Variants in PPP1R13B observed in about 807,000 individuals in gnomAD.
PPP1R13B encodes protein phosphatase 1 regulatory subunit 13B, also known as apoptosis-stimulating of p53 protein 1.
A neutral mutation model predicts 119.8 loss-of-function variants in PPP1R13B; 44 were observed. That is an observed-to-expected ratio of 0.37 (90% CI 0.29 to 0.47). PPP1R13B has a LOEUF of 0.47. PPP1R13B is among the 20% of genes least tolerant of loss of function. The pLI, the probability that PPP1R13B is intolerant of heterozygous loss-of-function variation, is 0.99. For missense variants in PPP1R13B, 1,227 were observed against 1,413.5 expected (o/e 0.87, Z 2.12); for synonymous variants, 542 against 561.5 (o/e 0.97, Z 0.49).
chr14:103,794,741 C>T (rs956056279), intron 2 of PPP1R13B: 3 of 338,536 alleles, frequency 8.9e-6, no homozygotes, highest in African/African-American at 6.6e-5. Flanking sequence ...TTGCCCTCTC[C>T]CTTTGATGGC....
chr14:103,766,438 C>A (rs916948219), intron 4 of PPP1R13B, among the ~76,000 whole-genome samples: 5 of 152,144 alleles, frequency 3.3e-5, no homozygotes, highest in Admixed American at 1.3e-4. Flanking sequence ...CATCTCCTGA[C>A]AGCAAGCAGG....
intron 8 of PPP1R13B, chr14:103,746,769 G>C: frequency 2.3e-6 from 1 of 442,254 alleles, no homozygotes; most frequent in East Asian, 3.8e-5. Flanking sequence ...CCACCCATCT[G>C]GAGCTGTACA....
intron 1 of PPP1R13B, among the ~76,000 whole-genome samples, chr14:103,824,658 G>A (rs1419471808): frequency 1.3e-5 from 2 of 150,742 alleles, no homozygotes; most frequent in Non-Finnish European, 2.9e-5. Flanking sequence ...TCACGCCACT[G>A]CACTCCAGCA....
chr14:103,792,602 A>C (rs2152035577), intron 2 of PPP1R13B, among the ~76,000 whole-genome samples: 1 of 152,282 alleles, frequency 6.6e-6, no homozygotes, highest in Non-Finnish European at 1.5e-5. Flanking sequence ...CTGTCTCTAC[A>C]AAAAATAAAT....
Position 103,742,914 on chromosome 14 carries a change from T to C in PPP1R13B, c.1151-91A>G. On this transcript the variant is annotated intron_variant, in intron 9 of 16. Transcript: ENST00000202556. The surrounding 1 kb of genome is among the most constrained non-coding windows in gnomAD (Gnocchi z 4.9). ...ACTCTGCCAGAAACAAAAACAGCAC[T>C]GGGACATCCCATTCTGATGCAGATC... is the stretch of plus-strand genomic sequence containing the variant. 7.1e-7 allele frequency: 1 copy of C among 1,411,756 alleles called. No homozygotes were observed. The highest frequency in any genetic ancestry group is 1.3e-5 in the South Asian group (1 of 78,502). The allele number at this position is 1,411,756 out of a possible 1,614,324, so 87.5% of individuals were successfully genotyped here.
In PPP1R13B at chr14:103,749,816, C is replaced by T. The variant is rs567405593; in HGVS notation, c.947G>A (p.Arg316His). 18 of 1,613,784 alleles carry T rather than the reference C, an allele frequency of 1.1e-5. No homozygotes were observed. Among genetic ancestry groups the T allele is most frequent in the South Asian group, 4.4e-5 (4 of 90,930 alleles). The change falls in exon 8 of 17, where the codon CGT (arginine) becomes CAT (histidine). Residue 316 changes from arginine to histidine, a missense_variant. By Grantham distance (29) the Arg-to-His change is conservative (BLOSUM62 0). Transcript: ENST00000202556. ...TGCCTGAATTTTTTTCCCATAGAGA[C>T]GTTCACGCAGTTCACTGATTCGCTT... ...MDKRISELRERLYGKKIQLNR... is the reference protein window; with the variant it reads ...MDKRISELREHLYGKKIQLNR...
At chr14:103,772,019 G>A (rs141963997) in intron 4 of PPP1R13B, among the ~76,000 whole-genome samples, 10 of 152,144 alleles carry the variant, frequency 6.6e-5, no homozygotes, top group Middle Eastern at 3.4e-3. Flanking sequence ...CATATCCACA[G>A]GCAAACACTG....
At chr14:103,814,604 A>G (rs2086234393) in intron 1 of PPP1R13B, among the ~76,000 whole-genome samples, 1 of 152,120 alleles carries the variant, frequency 6.6e-6, no homozygotes, top group African/African-American at 2.4e-5. Flanking sequence ...AGGAGTTAAG[A>G]GATGAGCCTA....
At chr14:103,816,761 C>T (rs905412613) in intron 1 of PPP1R13B, among the ~76,000 whole-genome samples, 15 of 151,802 alleles carry the variant, frequency 9.9e-5, no homozygotes. Context: ...TCTGCAAATA[C>T]CAAAAATTCA....
At chr14:103,792,185 T>C (rs924226567) in intron 2 of PPP1R13B, among the ~76,000 whole-genome samples, 3 of 135,644 alleles carry the variant, frequency 2.2e-5, no homozygotes, top group Non-Finnish European at 5.0e-5. Context: ...TGTGTGTGTG[T>C]GTGTGTGTGT....
At chr14:103,735,680 T>C (rs1404497548) in intron 16 of PPP1R13B, among the ~76,000 whole-genome samples, 1 of 152,172 alleles carries the variant, frequency 6.6e-6, no homozygotes, top group Admixed American at 6.5e-5. Flanking sequence ...GCTGCAGAGA[T>C]TTCTAGATTG....
chr14:103,832,727 GA>G (rs2086688066), intron 1 of PPP1R13B, among the ~76,000 whole-genome samples: 1 of 152,186 alleles, frequency 6.6e-6, no homozygotes, highest in Admixed American at 6.5e-5. Context: ...AGCACTTTGG[GA>G]GGCCAAGGGG....
chr14:103,806,670 C>A (rs1048006922), intron 1 of PPP1R13B, among the ~76,000 whole-genome samples: 2 of 152,086 alleles, frequency 1.3e-5, no homozygotes, highest in Non-Finnish European at 2.9e-5. Context: ...ACCCTAAATG[C>A]TTCATCTCAC....
chr14:103,743,993 C>T (rs979170543), intron 9 of PPP1R13B: 8 of 152,222 alleles, frequency 5.3e-5, no homozygotes, highest in East Asian at 1.9e-4. Flanking sequence ...AGTCAAGCCC[C>T]GTGGGTCCTG....
At chr14:103,739,224 C>A in intron 12 of PPP1R13B, 3 of 625,584 alleles carry the variant, frequency 4.8e-6, no homozygotes, top group Non-Finnish European at 8.0e-6. Flanking sequence ...AAGGGAGAGC[C>A]CTGTCTGAGG....
At chr14:103,832,321 C>T (rs972212449) in intron 1 of PPP1R13B, among the ~76,000 whole-genome samples, 20 of 152,160 alleles carry the variant, frequency 1.3e-4, no homozygotes, top group African/African-American at 4.3e-4. Context: ...ACCTCAACCT[C>T]AGGTTGTGCT....
rs1275327824 is a variant in PPP1R13B, at chr14:103,768,249, G to C, written c.354+10496C>G. Among the ~76,000 whole-genome samples the C allele has an allele frequency of 2.6e-5, 4 of 151,550 alleles. No individual in the cohort carries two copies. The East Asian group carries it at 7.8e-4, about 29-fold the overall frequency. On this transcript the variant is annotated intron_variant, in intron 4 of 16. Transcript: ENST00000202556. ...TCCTGCCTCAGCCTCCCGGATAGCT[G>C]GGATTACAGGCACCCATCACCACGC...
At chr14:103,763,743 ACT>A (rs2084870575) in intron 4 of PPP1R13B, 1 of 151,962 alleles carries the variant, frequency 6.6e-6, no homozygotes. Context: ...CATCACCACA[ACT>A]CTGTTTTAGA....
At chr14:103,765,918 T>C (rs1007732011) in intron 4 of PPP1R13B, among the ~76,000 whole-genome samples, 5 of 151,928 alleles carry the variant, frequency 3.3e-5, no homozygotes, top group Non-Finnish European at 7.4e-5. Flanking sequence ...ATATCAGACA[T>C]TTACATATAC....
Sources: gnomAD v4.1 joint callset for allele counts (sites outside exome capture counted in the v4.1 genomes callset) on GRCh38, gnomAD v4.1.1 for gene constraint, Gnocchi (gnomAD v3.1) non-coding constraint, MANE v1.5 for transcripts, NCBI Gene and HGNC (gene_info 2026-07-23, HGNC 2026-07-21) for gene names.